CENPP: variants seen among roughly 807,000 people sequenced by gnomAD.
CENPP encodes the protein centromere protein P.
A neutral mutation model predicts 35.6 loss-of-function variants in CENPP; 24 were observed. That is an observed-to-expected ratio of 0.67 (90% confidence interval 0.49 to 0.95). CENPP has a LOEUF of 0.95. Ranked by LOEUF, CENPP falls within the 40% of genes least tolerant of loss-of-function variation. The pLI, the probability that CENPP is intolerant of heterozygous loss-of-function variation, is 0.00. For missense variants in CENPP, 332 were observed against 345.3 expected (o/e 0.96, Z 0.31); for synonymous variants, 120 against 125.5 (o/e 0.96, Z 0.29).
chr9:92,391,615 C>CA (rs1285620835), intron 5 of CENPP, among the ~76,000 whole-genome samples: 2 of 151,806 alleles, frequency 1.3e-5, no homozygotes, highest in African/African-American at 4.8e-5. Context: ...AAAAACCCCC[C>CA]AAAAAACAAA....
At chr9:92,595,278 C>T (rs1455440887) in intron 5 of CENPP, among the ~76,000 whole-genome samples, 2 of 152,158 alleles carry the variant, frequency 1.3e-5, no homozygotes, top group East Asian at 1.9e-4. Context: ...ATCTCACTCT[C>T]TCATCCAGGC....
At position 92,612,775 on chromosome 9, in the gene CENPP, A is replaced by T. The variant is rs542252498; in HGVS notation, c.736+161A>T. On this transcript the variant is annotated intron_variant, in intron 7 of 7. Transcript: ENST00000375587. Reference sequence around the variant, plus strand: ...TAAATATTTTTATCAATAATCACTCAAAAAGAACATGAAAAGGGATTGCTG... The same window carrying T: ...TAAATATTTTTATCAATAATCACTCTAAAAGAACATGAAAAGGGATTGCTG... 3.3e-5 allele frequency among the ~76,000 whole-genome samples: 5 copies of T among 152,280 alleles called. No homozygotes were observed. In the South Asian group the frequency reaches 1.0e-3, roughly 32 times the overall value.
At chr9:92,451,704 A>T (rs1844714791) in intron 5 of CENPP, among the ~76,000 whole-genome samples, 1 of 149,832 alleles carries the variant, frequency 6.7e-6, no homozygotes, top group South Asian at 2.1e-4. Context: ...GGCCATTTTC[A>T]CGATATTGAT....
At chr9:92,525,317 C>CAA (rs59745811) in intron 5 of CENPP, among the ~76,000 whole-genome samples, 7 of 118,534 alleles carry the variant, frequency 5.9e-5, no homozygotes, top group African/African-American at 1.2e-4. Flanking sequence ...GACTCTGTCT[C>CAA]AAAAAAAAAA....
At chr9:92,501,064 GA>G (rs1564357163) in intron 5 of CENPP, 2 of 1,606,110 alleles carry the variant, frequency 1.2e-6, no homozygotes, top group Non-Finnish European at 1.7e-6. Context: ...CTGCAGCAAA[GA>G]AAAAAGTAAA....
chr9:92,533,920 A>AT (rs1460566143), intron 5 of CENPP, among the ~76,000 whole-genome samples: 5 of 151,974 alleles, frequency 3.3e-5, no homozygotes, highest in African/African-American at 2.4e-5. Flanking sequence ...TTCTATAGAA[A>AT]TTTTTTTCAA....
Position 92,581,408 on chromosome 9 carries a change from C to A in CENPP, c.565-29906C>A, listed in dbSNP as rs73522393. Among the ~76,000 whole-genome samples, 604 of 152,030 alleles carry A rather than the reference C, an allele frequency of 4.0e-3. 8 individuals are homozygous for A. The highest frequency in any genetic ancestry group is 0.014 in the African/African-American group (564 of 41,458). On this transcript the variant is annotated intron_variant, in intron 5 of 7. Transcript: ENST00000375587. ...AAATATATATATATAAAGAAACTCA[C>A]ACCTAAATATAATTTAATGGAACTG...
At chr9:92,456,663 T>C (rs1334079764) in intron 5 of CENPP, 1 of 152,680 alleles carries the variant, frequency 6.5e-6, no homozygotes, top group Admixed American at 6.5e-5. Context: ...AAACCAGCTC[T>C]TATGAGTAGC....
At chr9:92,466,306 A>C (rs1352333939) in intron 5 of CENPP, 1 of 1,200,312 alleles carries the variant, frequency 8.3e-7, no homozygotes, top group Non-Finnish European at 1.2e-6. Flanking sequence ...AGTGTTCTAC[A>C]TCTGCTTGTT....
chr9:92,419,440 A>G lies in CENPP; in HGVS notation c.564+39581A>G, dbSNP rs1016623803. On this transcript the variant is annotated intron_variant, in intron 5 of 7. Coordinates refer to ENST00000375587, the MANE Select transcript of CENPP (RefSeq NM_001012267.3). Reference sequence around the variant, plus strand: ...CTCAGCCTCCCCAGTAGCTGGGATTACAGGTGCACTCCACCACACCCGGCT... The same window carrying G: ...CTCAGCCTCCCCAGTAGCTGGGATTGCAGGTGCACTCCACCACACCCGGCT... Among the ~76,000 whole-genome samples the G allele has an allele frequency of 4.6e-5, 7 of 151,176 alleles. No homozygotes were observed. In the South Asian group the frequency reaches 1.0e-3, roughly 23 times the overall value.
chr9:92,585,841 G>T (rs1850526994), intron 5 of CENPP, among the ~76,000 whole-genome samples: 2 of 152,148 alleles, frequency 1.3e-5, no homozygotes, highest in South Asian at 4.1e-4. Flanking sequence ...GCACAGAAGG[G>T]GCGGCTGTGA....
chr9:92,447,165 G>A (rs1303060511), intron 5 of CENPP, among the ~76,000 whole-genome samples: 1 of 152,080 alleles, frequency 6.6e-6, no homozygotes, highest in African/African-American at 2.4e-5. Context: ...CAGGCATGAG[G>A]GAGGAAGGAA....
intron 5 of CENPP, among the ~76,000 whole-genome samples, chr9:92,543,471 CAAAAAAAAAAAAA>C (rs71362401): frequency 2.5e-4 from 11 of 44,538 alleles, no homozygotes; most frequent in African/African-American, 3.8e-4. Context: ...AACCCTGTCT[CAAAAAAAAAAAAA>C]AAAAAAAAAA....
intron 5 of CENPP, among the ~76,000 whole-genome samples, chr9:92,430,361 T>G (rs1844074653): frequency 6.6e-6 from 1 of 152,164 alleles, no homozygotes; most frequent in African/African-American, 2.4e-5. Context: ...ATCTGTAATT[T>G]GCTTTTGATG....
intron 5 of CENPP, among the ~76,000 whole-genome samples, chr9:92,605,358 A>T (rs567595004): frequency 2.1e-4 from 30 of 145,282 alleles, no homozygotes; most frequent in South Asian, 1.3e-3. Context: ...ATTGAAATTC[A>T]TTTTTTTTTT....
intron 5 of CENPP, among the ~76,000 whole-genome samples, chr9:92,565,624 C>T (rs985026461): frequency 6.6e-6 from 1 of 152,182 alleles, no homozygotes; most frequent in East Asian, 1.9e-4. Context: ...CACAGAGATA[C>T]AGACAAAGAG....
chr9:92,379,910 A>G (rs1474785196), intron 5 of CENPP, 51 bp downstream of exon 5: 1 of 1,115,684 alleles, frequency 9.0e-7, no homozygotes, highest in South Asian at 1.3e-5. Context: ...CAAAGCTGAT[A>G]TTAATTGAGA....
chr9:92,514,630 C>T lies in CENPP; in HGVS notation c.565-96684C>T. ...ATAAAGCAGAAGTCAACATCTCTTA[C>T]CAGTGAGCTCCAGACTTGTTATCTG... On this transcript the variant is annotated intron_variant, in intron 5 of 7. Transcript: ENST00000375587. The T allele has an allele frequency of 2.6e-6, 4 of 1,564,880 alleles. No individual in the cohort carries two copies. In the South Asian group the frequency reaches 4.8e-5, roughly 19 times the overall value.
intron 5 of CENPP, chr9:92,474,747 CAT>C: frequency 9.7e-7 from 1 of 1,031,906 alleles, no homozygotes; most frequent in East Asian, 6.1e-5. Flanking sequence ...TTGTCCTCAT[CAT>C]CATCATCATC....
Sources: allele counts gnomAD v4.1 joint callset (sites outside exome capture counted in the v4.1 genomes callset), GRCh38; gene constraint gnomAD v4.1.1; transcripts MANE v1.5; gene names NCBI Gene and HGNC (gene_info 2026-07-23, HGNC 2026-07-21).